The following ITIH5 variants were observed in gnomAD, a reference collection of about 807,000 sequenced individuals.
The protein encoded by ITIH5 is inter-alpha-trypsin inhibitor heavy chain 5, also known as inter-alpha-trypsin inhibitor heavy chain H5.
In ITIH5, 65 loss-of-function variants were observed where a neutral mutation model predicts 77.5. The observed-to-expected ratio is 0.84, with a 90% CI of 0.69 to 1.03. ITIH5 has a LOEUF of 1.03. Among genes scored for constraint, ITIH5 ranks in the 50% least tolerant of loss-of-function variants. The pLI is 0.00. For missense variants in ITIH5, 1,208 were observed against 1,213.1 expected (o/e 1.00, Z 0.06); for synonymous variants, 525 against 494.3 (o/e 1.06, Z -0.82).
chr10:7,561,964 T>A lies in ITIH5; in HGVS notation c.*1119A>T, dbSNP rs1348497223. 6.6e-6 allele frequency: 1 copy of A among 152,190 alleles called. No individual in the cohort carries two copies. The highest frequency in any genetic ancestry group is 1.5e-5 in the Non-Finnish European group (1 of 68,052). 9.4% of individuals were successfully genotyped at this position (152,190 alleles called of 1,614,324 possible). On this transcript the variant is annotated 3_prime_UTR_variant, in exon 14 of 14. Coordinates refer to ENST00000397146, the MANE Select transcript of ITIH5 (RefSeq NM_030569.7). ...CTGGAAGTCCCCTCTCATCTTAACC[T>A]TTTCCTTAAGGCATCAGGTTTGTCC...
At chr10:7,628,480 GTGTC>G (rs1833623355) in intron 5 of ITIH5, among the ~76,000 whole-genome samples, 1 of 152,208 alleles carries the variant, frequency 6.6e-6, no homozygotes, top group South Asian at 2.1e-4. Flanking sequence ...GCTGCGGCAT[GTGTC>G]TGTGTTATAG....
chr10:7,659,830 G>C (rs1834246627), intron 1 of ITIH5, among the ~76,000 whole-genome samples: 1 of 152,168 alleles, frequency 6.6e-6, no homozygotes, highest in South Asian at 2.1e-4. Context: ...GCTGGTGCCA[G>C]CTAGGATTGG....
Position 7,566,160 on chromosome 10 carries a change from G to T in ITIH5, c.2397C>A (p.Thr799=). ...TGACAAAGGCTATGGAGCCCTGGAT[G>T]GTGACGGTGACATTGGCGTTGGCAG... ...SVSANANVTV[T]IQGSIAFVIL... Residue 799 remains threonine, a synonymous_variant, in exon 13 of 14, where the codon ACC becomes ACA. Transcript: ENST00000397146. The T allele has an allele frequency of 6.2e-7, 1 of 1,614,102 alleles. No individual in the cohort carries two copies. Among genetic ancestry groups the T allele is most frequent in the Non-Finnish European group, 8.5e-7 (1 of 1,180,018 alleles).
At chr10:7,597,610 CTTGGAGT>C (rs1832932372) in intron 7 of ITIH5, among the ~76,000 whole-genome samples, 1 of 142,062 alleles carries the variant, frequency 7.0e-6, no homozygotes, top group Non-Finnish European at 1.6e-5. Context: ...CCCAAGTCAC[CTTGGAGT>C]CACCCCCTCT....
chr10:7,599,370 TGCTGACCA>T (rs1832969724), intron 7 of ITIH5, among the ~76,000 whole-genome samples: 2 of 152,246 alleles, frequency 1.3e-5, no homozygotes, highest in Non-Finnish European at 2.9e-5. Flanking sequence ...AAGAGGATGA[TGCTGACCA>T]AGAGAGGTTC....
intron 8 of ITIH5, among the ~76,000 whole-genome samples, chr10:7,585,627 A>G (rs926781946): frequency 2.6e-5 from 4 of 152,136 alleles, no homozygotes; most frequent in Non-Finnish European, 5.9e-5. Context: ...TTTTTCTAAC[A>G]GGATCCATGA....
intron 7 of ITIH5, among the ~76,000 whole-genome samples, chr10:7,586,431 C>T (rs187971263): frequency 2.0e-5 from 3 of 152,320 alleles, no homozygotes; most frequent in East Asian, 3.9e-4. Context: ...GGCAAGTGTG[C>T]AAATTCTCTG....
intron 7 of ITIH5, among the ~76,000 whole-genome samples, chr10:7,611,560 A>C (rs1277571171): frequency 6.6e-6 from 1 of 152,218 alleles, no homozygotes. Flanking sequence ...CCTGAGATGC[A>C]TTTCTTTAAT....
chr10:7,640,843 G>A lies in ITIH5; in HGVS notation c.312C>T (p.Asp104=), dbSNP rs766939947. Residue 104 remains aspartate, a synonymous_variant, in exon 4 of 14, where the codon GAC becomes GAT. Coordinates refer to ENST00000397146, the MANE Select transcript of ITIH5 (RefSeq NM_030569.7). ...FITNFTMLIG[D]KVYQGEITER... ...CTGTAATTTCGCCCTGATACACCTTGTCTCCAATAAGCCTGAAATACAAGA... is the reference window on the plus strand; with the variant it reads ...CTGTAATTTCGCCCTGATACACCTTATCTCCAATAAGCCTGAAATACAAGA... 8.7e-6 allele frequency: 14 copies of A among 1,610,600 alleles called. No homozygotes were observed. Among genetic ancestry groups the A allele is most frequent in the Non-Finnish European group, 1.2e-5 (14 of 1,177,064 alleles).
At chr10:7,649,652 T>TAAA (rs1398835428) in intron 2 of ITIH5, among the ~76,000 whole-genome samples, 4 of 152,200 alleles carry the variant, frequency 2.6e-5, no homozygotes, top group African/African-American at 9.7e-5. Context: ...ATGTAGTATT[T>TAAA]ACATGTGGTG....
At chr10:7,650,643 G>A (rs1455940622) in intron 2 of ITIH5, among the ~76,000 whole-genome samples, 1 of 151,942 alleles carries the variant, frequency 6.6e-6, no homozygotes, top group African/African-American at 2.4e-5. Flanking sequence ...GGCTAAGGCA[G>A]GAGAATCACT....
intron 5 of ITIH5, among the ~76,000 whole-genome samples, chr10:7,636,651 T>A (rs1309955719): frequency 6.6e-6 from 1 of 152,224 alleles, no homozygotes; most frequent in Non-Finnish European, 1.5e-5. Context: ...ACATTCCCAA[T>A]ATGTTAGATG....
At chr10:7,663,240 T>C (rs1303917788) in intron 1 of ITIH5, among the ~76,000 whole-genome samples, 1 of 152,254 alleles carries the variant, frequency 6.6e-6, no homozygotes, top group Non-Finnish European at 1.5e-5. Flanking sequence ...AAGGACTTCC[T>C]GGTTGTCCTT....
chr10:7,642,021 C>T lies in ITIH5; in HGVS notation c.205G>A (p.Val69Ile), dbSNP rs771040170. ...GCTCTGTTCAGCATTCTGCAGGAAA[C>T]CGTAGTGAAGGCATAACGGGAAATG... The part of the protein sequence containing the change: ...TIISRYAFTT[V>I]SCRMLNRASE... The change falls in exon 3 of 14, where the codon GTT becomes ATT. Residue 69 changes from valine (V) to isoleucine (I), a missense_variant. Transcript: ENST00000397146. 1 of 1,614,066 alleles carries T rather than the reference C, an allele frequency of 6.2e-7. No homozygotes were observed. Among genetic ancestry groups the T allele is most frequent in the Non-Finnish European group, 8.5e-7 (1 of 1,179,902 alleles).
intron 10 of ITIH5, among the ~76,000 whole-genome samples, chr10:7,574,693 T>G (rs1832371143): frequency 6.9e-6 from 1 of 145,392 alleles, no homozygotes; most frequent in African/African-American, 2.6e-5. Flanking sequence ...CTTGGGAGGC[T>G]GAGGCAGGAG....
At position 7,577,020 on chromosome 10, in the gene ITIH5, G is replaced by A; in HGVS notation, c.1419-8C>T. The stretch of plus-strand genomic sequence containing the variant: ...CTGATTTCATCGTAGAACCTGCAGT[G>A]GAAGCACAGGGAGGGAGGGAGATCA... On this transcript the variant is annotated splice_polypyrimidine_tract_variant and splice_region_variant and intron_variant, in intron 9 of 13. Transcript: ENST00000397146. 2 of 1,600,682 alleles carry A rather than the reference G, an allele frequency of 1.2e-6. No individual in the cohort carries two copies. The highest frequency in any genetic ancestry group is 1.7e-6 in the Non-Finnish European group (2 of 1,171,414).
chr10:7,646,628 T>C (rs983299095), intron 2 of ITIH5, among the ~76,000 whole-genome samples: 3 of 152,208 alleles, frequency 2.0e-5, no homozygotes, highest in African/African-American at 7.2e-5. Context: ...GTCTGGCTTC[T>C]CTACAAAGGG....
intron 7 of ITIH5, among the ~76,000 whole-genome samples, chr10:7,600,240 T>C (rs2131004613): frequency 6.6e-6 from 1 of 152,306 alleles, no homozygotes; most frequent in Admixed American, 6.5e-5. Context: ...ATGTGCTCCA[T>C]ATCTCAGAAA....
At chr10:7,585,828 A>AAAAC in intron 8 of ITIH5, 73 bp downstream of exon 8, 1 of 1,108,490 alleles carries the variant, frequency 9.0e-7, no homozygotes, top group African/African-American at 2.5e-5. Flanking sequence ...CTCTTGGCAA[A>AAAAC]AAAAAAAAAA....
Sources: gnomAD v4.1 joint callset for allele counts (sites outside exome capture counted in the v4.1 genomes callset) on GRCh38, gnomAD v4.1.1 for gene constraint, MANE v1.5 for transcripts, NCBI Gene and HGNC (gene_info 2026-07-23, HGNC 2026-07-21) for gene names.